The following ATP8A2 variants were observed in gnomAD, a reference collection of about 807,000 sequenced individuals.
ATP8A2 encodes ATPase phospholipid transporting 8A2.
Under a neutral mutation model 165.6 loss-of-function variants are expected in ATP8A2, and 100 were observed. The ratio of observed to expected loss-of-function variants is 0.60; its 90% CI spans 0.51 to 0.71. The LOEUF (loss-of-function observed/expected upper bound fraction) is 0.71. Among genes scored for constraint, ATP8A2 ranks in the 30% least tolerant of loss-of-function variants. The probability of loss-of-function intolerance (pLI) is 0.00; values close to 1 mark genes in which losing one functional copy is unlikely to be tolerated. For missense variants in ATP8A2, 1,227 were observed against 1,479.5 expected, an observed-to-expected ratio of 0.83 and a Z score of 2.80; for synonymous variants, 543 against 548.8, an observed-to-expected ratio of 0.99 and a Z score of 0.15.
chr13:25,545,091 G>A (rs975317041), intron 10 of ATP8A2, among the ~76,000 whole-genome samples: 1 of 152,000 alleles, frequency 6.6e-6, no homozygotes, highest in Non-Finnish European at 1.5e-5. Context: ...AGGCAAGGAG[G>A]AGAGAGCTCT....
intron 1 of ATP8A2, among the ~76,000 whole-genome samples, chr13:25,381,208 C>G (rs1157008187): frequency 6.6e-6 from 1 of 152,210 alleles, no homozygotes; most frequent in Non-Finnish European, 1.5e-5. Flanking sequence ...GTGTCCTACA[C>G]AACAACCTTC....
chr13:25,877,325 A>T (rs1479956859), intron 33 of ATP8A2, among the ~76,000 whole-genome samples: 1 of 152,238 alleles, frequency 6.6e-6, no homozygotes, highest in African/African-American at 2.4e-5. Context: ...GTTTGGGTCC[A>T]GATGGTCTAC....
chr13:25,406,589 A>C (rs1462899664), intron 1 of ATP8A2, among the ~76,000 whole-genome samples: 1 of 152,176 alleles, frequency 6.6e-6, no homozygotes, highest in African/African-American at 2.4e-5. Flanking sequence ...CTGGGAATGC[A>C]GAAAGGACAA....
At chr13:26,002,009 TATTA>T (rs1280164926) in intron 35 of ATP8A2, among the ~76,000 whole-genome samples, 7 of 152,222 alleles carry the variant, frequency 4.6e-5, no homozygotes, top group Admixed American at 3.9e-4. Context: ...TTTTTATTAA[TATTA>T]ATTAACAAAC....
intron 1 of ATP8A2, among the ~76,000 whole-genome samples, chr13:25,422,512 C>A (rs533426990): frequency 2.0e-5 from 3 of 152,124 alleles, no homozygotes; most frequent in African/African-American, 4.8e-5. Flanking sequence ...TTTAGTACAG[C>A]CTTTTTAAAA....
At chr13:25,880,734 T>A (rs1388814345) in intron 33 of ATP8A2, among the ~76,000 whole-genome samples, 5 of 152,186 alleles carry the variant, frequency 3.3e-5, no homozygotes, top group Admixed American at 1.3e-4. Context: ...AAAGGCAACC[T>A]CACCTATCCC....
At chr13:25,744,259 T>C (rs998223006) in intron 25 of ATP8A2, among the ~76,000 whole-genome samples, 1 of 152,222 alleles carries the variant, frequency 6.6e-6, no homozygotes, top group African/African-American at 2.4e-5. Context: ...TTTTCTTCTT[T>C]GGCGGCTGCT....
Position 25,566,698 on chromosome 13 carries a change from T to C in ATP8A2, c.1473+2667T>C, listed in dbSNP as rs148933060. On this transcript the variant is annotated intron_variant, in intron 16 of 36. Transcript: ENST00000381655. ...TGGGCTAGGAATAGCAGCAAACTAT[T>C]GGATCCCCATTTACATCAGAGACTC... Among the ~76,000 whole-genome samples, 52 of 152,356 alleles carry C rather than the reference T, an allele frequency of 3.4e-4. 1 individual carries two copies. In the East Asian group the frequency reaches 9.8e-3, roughly 29 times the overall value.
chr13:25,757,023 T>A (rs2044277497), intron 25 of ATP8A2, among the ~76,000 whole-genome samples: 1 of 152,110 alleles, frequency 6.6e-6, no homozygotes, highest in South Asian at 2.1e-4. Context: ...CCCTCATTAA[T>A]ATGTTCACAC....
chr13:25,806,626 C>T (rs1181549824), intron 27 of ATP8A2, among the ~76,000 whole-genome samples: 2 of 152,194 alleles, frequency 1.3e-5, no homozygotes, highest in African/African-American at 4.8e-5. Context: ...CTCTTGGTTT[C>T]ACTGCTATGA....
intron 24 of ATP8A2, among the ~76,000 whole-genome samples, chr13:25,661,126 C>G (rs557121341): frequency 6.6e-6 from 1 of 152,244 alleles, no homozygotes; most frequent in African/African-American, 2.4e-5. Flanking sequence ...TATTTAGATT[C>G]CTCTATTGGA....
intron 24 of ATP8A2, among the ~76,000 whole-genome samples, chr13:25,609,568 A>AATATATATATATATATTTGTATTCAAAT (rs145694634): frequency 2.8e-5 from 1 of 35,428 alleles, no homozygotes; most frequent in African/African-American, 7.2e-5. Flanking sequence ...TTTGGATTCA[A>AATATATATATATATATTTGTATTCAAAT]ATATATATAT....
At chr13:25,995,683 G>A (rs1956485498) in intron 35 of ATP8A2, among the ~76,000 whole-genome samples, 1 of 151,844 alleles carries the variant, frequency 6.6e-6, no homozygotes. Flanking sequence ...GTGTGTTGAA[G>A]TTTGTTTTAT....
chr13:25,673,146 A>G (rs2042301434), intron 24 of ATP8A2, among the ~76,000 whole-genome samples: 1 of 152,186 alleles, frequency 6.6e-6, no homozygotes, highest in African/African-American at 2.4e-5. Context: ...CCTCTTTCCT[A>G]CCATGATGGA....
At chr13:25,631,802 G>A (rs1476003580) in intron 24 of ATP8A2, among the ~76,000 whole-genome samples, 1 of 152,102 alleles carries the variant, frequency 6.6e-6, no homozygotes, top group Non-Finnish European at 1.5e-5. Context: ...TGAGATACAG[G>A]AAAAGCTAAA....
intron 35 of ATP8A2, among the ~76,000 whole-genome samples, chr13:25,990,110 G>A (rs912628152): frequency 6.6e-6 from 1 of 152,140 alleles, no homozygotes; most frequent in Admixed American, 6.5e-5. Context: ...AGGCCTTGTG[G>A]CCTTGCCATT....
chr13:25,561,112 C>T (rs2039139000), intron 15 of ATP8A2, among the ~76,000 whole-genome samples: 3 of 152,126 alleles, frequency 2.0e-5, no homozygotes, highest in Admixed American at 2.0e-4. Context: ...GTCTTGATCT[C>T]CTGACCTCGT....
intron 1 of ATP8A2, among the ~76,000 whole-genome samples, chr13:25,423,245 A>G (rs576813889): frequency 1.3e-5 from 2 of 152,310 alleles, no homozygotes; most frequent in East Asian, 3.9e-4. Context: ...ATCAGATTAA[A>G]CATTATTAGC....
chr13:25,782,777 G>A (rs1335771609), intron 27 of ATP8A2, among the ~76,000 whole-genome samples: 1 of 152,072 alleles, frequency 6.6e-6, no homozygotes, highest in Non-Finnish European at 1.5e-5. Flanking sequence ...TTTCACTCTT[G>A]TTGCCAGGCT....
Sources: gnomAD v4.1 joint callset for allele counts (sites outside exome capture counted in the v4.1 genomes callset) on GRCh38, gnomAD v4.1.1 for gene constraint, MANE v1.5 for transcripts, NCBI Gene and HGNC (gene_info 2026-07-23, HGNC 2026-07-21) for gene names.